Variants in FRMPD4 observed in about 807,000 individuals in gnomAD.
FRMPD4 encodes FERM and PDZ domain containing 4.
In FRMPD4, 22 loss-of-function variants were observed where a neutral mutation model predicts 94.1. The ratio of observed to expected loss-of-function variants is 0.23; its 90% CI spans 0.17 to 0.33. The LOEUF (loss-of-function observed/expected upper bound fraction) is 0.33. FRMPD4 is among the 10% of genes least tolerant of loss of function. FRMPD4 has a pLI of 1.00. For missense variants in FRMPD4, 1,111 were observed against 1,339.9 expected, an observed-to-expected ratio of 0.83 and a Z score of 2.67; for synonymous variants, 631 against 548.6, an observed-to-expected ratio of 1.15 and a Z score of -2.10.
At chrX:12,650,383 A>AT (rs2059585341) in intron 4 of FRMPD4, among the ~76,000 whole-genome samples, 1 of 111,538 alleles carries the variant, frequency 9.0e-6, no homozygotes, top group South Asian at 3.8e-4. Context: ...ACAGGCAGGG[A>AT]TTTTTTTCTG....
rs148354982 is a variant in FRMPD4 at position 12,294,759 on chromosome X, G to A, written c.41+155747G>A. ...CATTGCTATATCCCCACTCCCTAGTGTAGTCCTGGTAAATATCTTTTTAAT... is the reference window on the plus strand; with the variant it reads ...CATTGCTATATCCCCACTCCCTAGTATAGTCCTGGTAAATATCTTTTTAAT... On this transcript the variant is annotated intron_variant, in intron 1 of 16. Coordinates refer to ENST00000675598, the MANE Select transcript of FRMPD4 (RefSeq NM_001368397.1). Among the ~76,000 whole-genome samples the A allele has an allele frequency of 1.5e-3, 166 of 111,343 alleles. 1 individual carries two copies. Among genetic ancestry groups the A allele is most frequent in the African/African-American group, 5.4e-3 (165 of 30,618 alleles).
chrX:12,647,719 G>A (rs944652821), intron 4 of FRMPD4, among the ~76,000 whole-genome samples: 16 of 111,980 alleles, frequency 1.4e-4, no homozygotes, highest in Non-Finnish European at 2.4e-4. Flanking sequence ...CACGTTGAAA[G>A]GAGGCTTAGT....
chrX:12,476,532 A>G (rs898406757), intron 1 of FRMPD4, among the ~76,000 whole-genome samples: 3 of 110,636 alleles, frequency 2.7e-5, no homozygotes, highest in Admixed American at 9.6e-5. Context: ...CAGGCAACCT[A>G]CAGTATGGGA....
chrX:11,877,760 G>A (rs1279407467), intron 2 of FRMPD4, among the ~76,000 whole-genome samples: 1 of 112,240 alleles, frequency 8.9e-6, no homozygotes, highest in Admixed American at 9.4e-5. Context: ...GTAGCTGAGT[G>A]ATGAAATATG....
chrX:11,840,651 C>A (rs975675860), intron 1 of FRMPD4, among the ~76,000 whole-genome samples: 17 of 109,743 alleles, frequency 1.5e-4, no homozygotes, highest in African/African-American at 5.3e-4. Flanking sequence ...AACTTTCAGT[C>A]TCTAAGTATG....
chrX:11,928,618 T>C (rs897766411), intron 3 of FRMPD4, among the ~76,000 whole-genome samples: 1 of 112,245 alleles, frequency 8.9e-6, no homozygotes, highest in Non-Finnish European at 1.9e-5. Flanking sequence ...TAATAGATAC[T>C]TGTGAGTCTG....
chrX:12,086,061 C>T (rs1171024649), intron 3 of FRMPD4, among the ~76,000 whole-genome samples: 2 of 99,381 alleles, frequency 2.0e-5, no homozygotes, highest in African/African-American at 7.2e-5. Flanking sequence ...ATTTGCATAT[C>T]TGCCTGTGTC....
chrX:12,587,000 G>A (rs1177497370), intron 2 of FRMPD4, among the ~76,000 whole-genome samples: 9 of 107,603 alleles, frequency 8.4e-5, no homozygotes, highest in Non-Finnish European at 1.7e-4. Context: ...TTTTTGAGAC[G>A]GAATCTCACT....
At chrX:12,055,972 G>GTTC (rs2147456369) in intron 3 of FRMPD4, among the ~76,000 whole-genome samples, 1 of 111,684 alleles carries the variant, frequency 9.0e-6, no homozygotes, top group Non-Finnish European at 1.9e-5. Flanking sequence ...AATTTCCCAA[G>GTTC]TTCCTCCTCC....
chrX:12,138,892 C>T lies in FRMPD4; in HGVS notation c.-80C>T. On this transcript the variant is annotated 5_prime_UTR_variant, in exon 1 of 17. Transcript: ENST00000675598. Reference sequence around the variant, plus strand: ...GCCCCGGGCGCACTGAGGTCTTGGCCATGGGGCTGCGGAGGCTGCTGTTGC... The same window carrying T: ...GCCCCGGGCGCACTGAGGTCTTGGCTATGGGGCTGCGGAGGCTGCTGTTGC... 1 of 868,292 alleles carries T rather than the reference C, an allele frequency of 1.2e-6. No homozygotes were observed. The highest frequency in any genetic ancestry group is 1.6e-6 in the Non-Finnish European group (1 of 636,869). The allele number at this position is 868,292 out of a possible 1,213,427, so 71.6% of individuals were successfully genotyped here.
intron 2 of FRMPD4, among the ~76,000 whole-genome samples, chrX:12,513,035 G>C (rs2058060192): frequency 8.9e-6 from 1 of 112,205 alleles, no homozygotes; most frequent in African/African-American, 3.2e-5. Context: ...AGAAGCGTCT[G>C]TTCGTATCCT....
At chrX:12,624,627 C>T (rs958212914) in intron 4 of FRMPD4, among the ~76,000 whole-genome samples, 2 of 111,248 alleles carry the variant, frequency 1.8e-5, no homozygotes, top group Admixed American at 9.5e-5. Flanking sequence ...TACAAAACAG[C>T]CTGAAAACAA....
At chrX:11,880,546 G>A (rs1472582899) in intron 3 of FRMPD4, among the ~76,000 whole-genome samples, 1 of 112,111 alleles carries the variant, frequency 8.9e-6, no homozygotes, top group Middle Eastern at 4.2e-3. Flanking sequence ...ACAGGAAGAT[G>A]AGAGAGATAG....
At chrX:11,826,521 A>T (rs1038395747) in intron 1 of FRMPD4, among the ~76,000 whole-genome samples, 1 of 111,902 alleles carries the variant, frequency 8.9e-6, no homozygotes, top group Non-Finnish European at 1.9e-5. Flanking sequence ...AAAATCTATG[A>T]TTTCTGACAG....
At chrX:12,074,218 A>C (rs2054994074) in intron 3 of FRMPD4, among the ~76,000 whole-genome samples, 1 of 112,079 alleles carries the variant, frequency 8.9e-6, no homozygotes, top group African/African-American at 3.2e-5. Context: ...TACTTGCTAT[A>C]AAAACATTGA....
chrX:12,647,491 A>C (rs2059558717), intron 4 of FRMPD4, among the ~76,000 whole-genome samples: 1 of 111,442 alleles, frequency 9.0e-6, no homozygotes, highest in African/African-American at 3.3e-5. Flanking sequence ...GTCATTCCCC[A>C]GAACTTCCAG....
In FRMPD4 at chrX:11,840,668, G is replaced by C. The variant is rs187883340; in HGVS notation, c.-161+17953G>C. 4.7e-3 allele frequency among the ~76,000 whole-genome samples: 515 copies of C among 109,198 alleles called. 4 individuals are homozygous for C. Among genetic ancestry groups the C allele is most frequent in the African/African-American group, 0.017 (499 of 30,208 alleles). The allele number at this position is 109,198 out of a possible 115,157, so 94.8% of individuals were successfully genotyped here. On this transcript the variant is annotated intron_variant, in intron 1 of 18. Coordinates refer to the FRMPD4 transcript ENST00000640291. ...CTTTCAGTCTCTAAGTATGATGGTA[G>C]CTATAAGTGATTTTGTGCCCTTTCT...
intron 1 of FRMPD4, among the ~76,000 whole-genome samples, chrX:12,258,611 A>G (rs188849815): frequency 8.9e-6 from 1 of 111,777 alleles, no homozygotes; most frequent in Admixed American, 9.5e-5. Context: ...TACTCAAATG[A>G]GAAATTCTAG....
rs542343631 is a variant in FRMPD4, at chrX:12,033,985, C to T, written c.95+155967C>T. Among the ~76,000 whole-genome samples the T allele has an allele frequency of 1.2e-4, 13 of 112,737 alleles. No homozygotes were observed. The South Asian group carries it at 2.9e-3, about 25-fold the overall frequency. On this transcript the variant is annotated intron_variant, in intron 3 of 18. Transcript: ENST00000640291. The stretch of plus-strand genomic sequence containing the variant: ...GTGCTGGGATTACAGGCGTAAGCCA[C>T]GGCGCCTGGCCAGAGGAGGTATTTT...
Sources: gnomAD v4.1 joint callset for allele counts (sites outside exome capture counted in the v4.1 genomes callset) on GRCh38, gnomAD v4.1.1 for gene constraint, MANE v1.5 for transcripts, NCBI Gene and HGNC (gene_info 2026-07-23, HGNC 2026-07-21) for gene names.